Variants in CTNNA1 observed in about 807,000 individuals in gnomAD.
CTNNA1 encodes the protein catenin alpha 1.
In CTNNA1, 37 loss-of-function variants were observed where a neutral mutation model predicts 98.4. The observed-to-expected ratio is 0.38, with a 90% CI of 0.29 to 0.49. CTNNA1 has a LOEUF of 0.49. CTNNA1 is among the 20% of genes least tolerant of loss of function. The pLI is 0.95. For synonymous variants in CTNNA1, 404 were observed against 413.2 expected (o/e 0.98, Z 0.27); for missense variants, 761 against 1,147.2 (o/e 0.66, Z 4.86).
At chr5:138,773,729 T>C (rs1306260378) in intron 1 of CTNNA1, among the ~76,000 whole-genome samples, 1 of 151,740 alleles carries the variant, frequency 6.6e-6, no homozygotes, top group East Asian at 1.9e-4. Flanking sequence ...TTTTTTTTTT[T>C]AGACAGAGTC....
At chr5:138,863,595 A>G (rs1764478026) in intron 7 of CTNNA1, among the ~76,000 whole-genome samples, 1 of 152,162 alleles carries the variant, frequency 6.6e-6, no homozygotes, top group Non-Finnish European at 1.5e-5. Context: ...TTATTGTGTT[A>G]TAGATTCTTA....
At chr5:138,924,788 G>A in intron 12 of CTNNA1, 78 bp downstream of exon 12, 1 of 1,307,816 alleles carries the variant, frequency 7.6e-7, no homozygotes, top group Non-Finnish European at 1.1e-6. Flanking sequence ...GCCCAGCCCT[G>A]TGGTGAGGAA....
At chr5:138,906,894 A>T (rs1199508037) in intron 10 of CTNNA1, among the ~76,000 whole-genome samples, 1 of 152,232 alleles carries the variant, frequency 6.6e-6, no homozygotes, top group East Asian at 1.9e-4. Context: ...CAAATAAAGT[A>T]GGTGTTTACA....
intron 1 of CTNNA1, among the ~76,000 whole-genome samples, chr5:138,777,966 G>GAAGGGAGAGGGGGAGGAGGGAGAGGGGGA (rs1754576101): frequency 1.3e-5 from 1 of 74,946 alleles, no homozygotes; most frequent in African/African-American, 5.1e-5. Flanking sequence ...GAGAGGGGGA[G>GAAGGGAGAGGGGGAGGAGGGAGAGGGGGA]GGGAAATGTT....
chr5:138,835,802 A>G (rs1761719849), intron 7 of CTNNA1, among the ~76,000 whole-genome samples: 1 of 152,148 alleles, frequency 6.6e-6, no homozygotes, highest in Non-Finnish European at 1.5e-5. Flanking sequence ...AGTTTTCCAA[A>G]TACAATACAG....
intron 3 of CTNNA1, among the ~76,000 whole-genome samples, chr5:138,807,208 A>G (rs564462372): frequency 3.2e-4 from 48 of 152,052 alleles, no homozygotes; most frequent in Admixed American, 6.5e-4. Flanking sequence ...GGGTTTCACC[A>G]TATTGGCCAG....
At chr5:138,877,288 T>G (rs576801504) in intron 7 of CTNNA1, among the ~76,000 whole-genome samples, 22 of 152,328 alleles carry the variant, frequency 1.4e-4, no homozygotes, top group African/African-American at 4.8e-4. Flanking sequence ...AACTGTCTTG[T>G]GAAATTTTTT....
intron 11 of CTNNA1, among the ~76,000 whole-genome samples, chr5:138,920,451 A>G (rs576613967): frequency 6.6e-6 from 1 of 152,234 alleles, no homozygotes; most frequent in Non-Finnish European, 1.5e-5. Context: ...GCCCTAAAGC[A>G]TAGCGGTGCT....
At chr5:138,901,140 C>T (rs188847773) in intron 9 of CTNNA1, among the ~76,000 whole-genome samples, 83 of 151,434 alleles carry the variant, frequency 5.5e-4, no homozygotes, top group Non-Finnish European at 9.7e-4. Context: ...TTCTCTTCCG[C>T]TCCCCTCCCC....
chr5:138,781,429 C>T (rs1755096969), intron 1 of CTNNA1, among the ~76,000 whole-genome samples: 1 of 151,920 alleles, frequency 6.6e-6, no homozygotes, highest in Admixed American at 6.6e-5. Flanking sequence ...GGTGGCGGGC[C>T]CCTGTAGTCA....
At chr5:138,800,787 G>T (rs537303567) in intron 3 of CTNNA1, among the ~76,000 whole-genome samples, 95 of 152,016 alleles carry the variant, frequency 6.2e-4, no homozygotes, top group African/African-American at 2.2e-3. Context: ...TGGGCAACAA[G>T]AGCAAAACTC....
At chr5:138,764,562 C>T (rs1752703751) in intron 1 of CTNNA1, among the ~76,000 whole-genome samples, 1 of 151,752 alleles carries the variant, frequency 6.6e-6, no homozygotes, top group Admixed American at 6.6e-5. Flanking sequence ...ACCTCTGCCT[C>T]CTGGGTTGAA....
At chr5:138,917,714 A>C (rs1402280539) in intron 10 of CTNNA1, 28 bp from the exon 11 acceptor site, 2 of 1,610,190 alleles carry the variant, frequency 1.2e-6, no homozygotes, top group East Asian at 2.2e-5. Flanking sequence ...GAAAAAGAGT[A>C]AACAGTGAAG....
intron 3 of CTNNA1, among the ~76,000 whole-genome samples, chr5:138,792,318 G>A (rs1756469169): frequency 6.6e-6 from 1 of 152,178 alleles, no homozygotes; most frequent in Non-Finnish European, 1.5e-5. Flanking sequence ...AGGCTCTTGA[G>A]GCATGATTTT....
At chr5:138,857,203 A>C (rs569496283) in intron 7 of CTNNA1, among the ~76,000 whole-genome samples, 1 of 152,208 alleles carries the variant, frequency 6.6e-6, no homozygotes, top group African/African-American at 2.4e-5. Context: ...GCCAGAATAC[A>C]TCTCTCTAAG....
At chr5:138,890,086 C>T (rs1755025461) in intron 9 of CTNNA1, among the ~76,000 whole-genome samples, 1 of 152,138 alleles carries the variant, frequency 6.6e-6, no homozygotes, top group African/African-American at 2.4e-5. Flanking sequence ...GATTAAATGT[C>T]TACAGGCCAA....
chr5:138,771,045 C>T (rs1753496669), intron 1 of CTNNA1, among the ~76,000 whole-genome samples: 1 of 151,434 alleles, frequency 6.6e-6, no homozygotes, highest in Non-Finnish European at 1.5e-5. Context: ...GCTTAATTTT[C>T]TTCCTAGCTC....
chr5:138,770,515 C>G (rs1168147873), intron 1 of CTNNA1, among the ~76,000 whole-genome samples: 1 of 152,186 alleles, frequency 6.6e-6, no homozygotes, highest in African/African-American at 2.4e-5. Flanking sequence ...TGCCCTGTTC[C>G]AGCTACACTG....
chr5:138,886,687 A>G (rs1386419884), intron 8 of CTNNA1, among the ~76,000 whole-genome samples: 1 of 152,192 alleles, frequency 6.6e-6, no homozygotes, highest in Non-Finnish European at 1.5e-5. Flanking sequence ...CAGTTCCCTT[A>G]GATCCATGGT....
Sources: gnomAD v4.1 joint callset for allele counts (sites outside exome capture counted in the v4.1 genomes callset) on GRCh38, gnomAD v4.1.1 for gene constraint, MANE v1.5 for transcripts, NCBI Gene and HGNC (gene_info 2026-07-23, HGNC 2026-07-21) for gene names.